The following WWOX variants were observed in gnomAD, a reference collection of about 807,000 sequenced individuals.
The protein encoded by WWOX is WW domain-containing oxidoreductase.
A neutral mutation model predicts 46.2 loss-of-function variants in WWOX; 69 were observed. The observed-to-expected ratio is 1.49, with a 90% CI of 1.23 to 1.82. The LOEUF (loss-of-function observed/expected upper bound fraction) is 1.82, where lower values mean the gene tolerates loss of function less well. Among genes scored for constraint, WWOX ranks in the 40% most tolerant of loss-of-function variants. The pLI, the probability that WWOX is intolerant of heterozygous loss-of-function variation, is 0.00. For missense variants in WWOX, 919 were observed against 542.6 expected (o/e 1.69, Z -6.89); for synonymous variants, 359 against 202.6 (o/e 1.77, Z -6.56).
chr16:79,129,046 A>G (rs1260416226), intron 8 of WWOX, among the ~76,000 whole-genome samples: 4 of 152,192 alleles, frequency 2.6e-5, no homozygotes. Flanking sequence ...GTCCTGACAC[A>G]GAACTCTGTT....
chr16:78,116,102 A>C (rs2032773353), intron 4 of WWOX, among the ~76,000 whole-genome samples: 1 of 152,188 alleles, frequency 6.6e-6, no homozygotes, highest in African/African-American at 2.4e-5. Flanking sequence ...CACATCATGG[A>C]GAATGGGGTA....
chr16:78,100,558 T>C (rs4887935), intron 1 of WWOX, among the ~76,000 whole-genome samples: 57,627 of 152,168 alleles, frequency 0.38, 11,116 homozygotes, highest in South Asian at 0.49. Context: ...GCCAGGAGTA[T>C]TTTTTAGTAG....
At chr16:78,569,427 A>G (rs573979086) in intron 8 of WWOX, among the ~76,000 whole-genome samples, 1 of 152,330 alleles carries the variant, frequency 6.6e-6, no homozygotes, top group South Asian at 2.1e-4. Context: ...CAAGTCATTT[A>G]ATTTATCATA....
chr16:78,176,982 T>C (rs34533862), intron 5 of WWOX, among the ~76,000 whole-genome samples: 8,874 of 152,226 alleles, frequency 0.058, 873 homozygotes, highest in African/African-American at 0.2. Flanking sequence ...TCAGTGTCAC[T>C]TGAGAGCTTG....
At chr16:78,910,513 T>G (rs72806734) in intron 8 of WWOX, among the ~76,000 whole-genome samples, 22,615 of 151,760 alleles carry the variant, frequency 0.15, 2,073 homozygotes, top group East Asian at 0.41. Context: ...TTTGTTTTTT[T>G]TTTTTTTTAA....
chr16:79,136,050 T>C lies in WWOX; in HGVS notation c.1057-75558T>C, dbSNP rs538353041. 2.0e-5 allele frequency among the ~76,000 whole-genome samples: 3 copies of C among 152,330 alleles called. No individual in the cohort carries two copies. In the East Asian group the frequency reaches 5.8e-4, roughly 29 times the overall value. On this transcript the variant is annotated intron_variant, in intron 8 of 8. Transcript: ENST00000566780. ...CCTGTGCAGCAATTTTAACTTTCTA[T>C]ATTCAAATATACTCTGAATGCACAG...
intron 8 of WWOX, among the ~76,000 whole-genome samples, chr16:78,754,365 C>G (rs984155822): frequency 3.9e-5 from 6 of 152,150 alleles, no homozygotes; most frequent in Non-Finnish European, 8.8e-5. Flanking sequence ...GTACCTGTGT[C>G]TTATTATTGA....
intron 8 of WWOX, among the ~76,000 whole-genome samples, chr16:79,180,831 A>C (rs1301486466): frequency 6.6e-6 from 1 of 152,156 alleles, no homozygotes; most frequent in African/African-American, 2.4e-5. Context: ...AAAATGAAAA[A>C]CTAGGAAAAT....
At chr16:78,853,036 C>T (rs935048854) in intron 8 of WWOX, among the ~76,000 whole-genome samples, 14 of 152,202 alleles carry the variant, frequency 9.2e-5, no homozygotes, top group African/African-American at 3.4e-4. Context: ...AATGTCTTAT[C>T]TCAGTTTTCT....
intron 8 of WWOX, among the ~76,000 whole-genome samples, chr16:79,119,702 C>T (rs1042739888): frequency 1.3e-5 from 2 of 152,184 alleles, no homozygotes; most frequent in African/African-American, 2.4e-5. Context: ...TTTTCACCTC[C>T]CTCTGTACCC....
rs376320071 is a variant in WWOX at position 78,990,180 on chromosome 16, T to C, written c.1057-221428T>C. 1.7e-4 allele frequency among the ~76,000 whole-genome samples: 23 copies of C among 132,090 alleles called. No homozygotes were observed. In the East Asian group the frequency reaches 2.1e-3, roughly 12 times the overall value. The allele number at this position is 132,090 out of a possible 152,430, so 86.7% of individuals were successfully genotyped here. The stretch of plus-strand genomic sequence containing the variant: ...GCCTGGGTGACAGAGGGAGACCTTG[T>C]CTCACCAAAAAAAAAAAAAAAAGAG... On this transcript the variant is annotated intron_variant, in intron 8 of 8. Transcript: ENST00000566780.
At chr16:78,804,342 C>G (rs1348920870) in intron 8 of WWOX, among the ~76,000 whole-genome samples, 1 of 151,720 alleles carries the variant, frequency 6.6e-6, no homozygotes, top group African/African-American at 2.4e-5. Flanking sequence ...TGTTTAGACT[C>G]TGACTTTGAC....
intron 8 of WWOX, among the ~76,000 whole-genome samples, chr16:78,823,251 G>A (rs75080334): frequency 0.045 from 6,822 of 152,288 alleles, 194 homozygotes; most frequent in Admixed American, 0.064. Flanking sequence ...AATGATGCTG[G>A]CAGATGTTTG....
intron 5 of WWOX, among the ~76,000 whole-genome samples, chr16:78,260,592 T>C (rs1337043558): frequency 1.2e-4 from 18 of 146,148 alleles, no homozygotes; most frequent in Middle Eastern, 3.9e-3. Flanking sequence ...CACTTGAACC[T>C]GGGAGGTGGA....
intron 8 of WWOX, among the ~76,000 whole-genome samples, chr16:78,968,178 C>CAT (rs2046401193): frequency 6.6e-6 from 1 of 150,458 alleles, no homozygotes; most frequent in African/African-American, 2.5e-5. Flanking sequence ...GCGTGGTCTG[C>CAT]GTGGCACAGT....
At chr16:78,682,494 G>T (rs1244261281) in intron 8 of WWOX, among the ~76,000 whole-genome samples, 1 of 152,070 alleles carries the variant, frequency 6.6e-6, no homozygotes, top group Non-Finnish European at 1.5e-5. Flanking sequence ...GAGGCAGGAG[G>T]ATACCACGAG....
intron 8 of WWOX, among the ~76,000 whole-genome samples, chr16:78,811,909 A>G (rs900510661): frequency 2.0e-5 from 3 of 152,206 alleles, no homozygotes; most frequent in Non-Finnish European, 4.4e-5. Flanking sequence ...GCATAATAAG[A>G]TATACCTGTT....
intron 8 of WWOX, among the ~76,000 whole-genome samples, chr16:78,834,715 G>GATA (rs1567593063): frequency 6.6e-6 from 1 of 152,138 alleles, no homozygotes; most frequent in East Asian, 1.9e-4. Context: ...ATAATTTATA[G>GATA]ATACAGGTAC....
intron 8 of WWOX, among the ~76,000 whole-genome samples, chr16:78,866,342 G>A (rs779117898): frequency 1.1e-4 from 16 of 152,106 alleles, no homozygotes; most frequent in Non-Finnish European, 2.2e-4. Context: ...CTGGGGGACT[G>A]AGACATGATT....
Sources: gnomAD v4.1 joint callset for allele counts (sites outside exome capture counted in the v4.1 genomes callset) on GRCh38, gnomAD v4.1.1 for gene constraint, MANE v1.5 for transcripts, NCBI Gene and HGNC (gene_info 2026-07-23, HGNC 2026-07-21) for gene names.